RBFOX1: variants seen among roughly 807,000 people sequenced by gnomAD.
RBFOX1 encodes RNA binding protein fox-1 homolog 1.
A neutral mutation model predicts 57.7 loss-of-function variants in RBFOX1; 8 were observed. The ratio of observed to expected loss-of-function variants is 0.14; its 90% confidence interval spans 0.08 to 0.25. The LOEUF is 0.25. RBFOX1 is among the 10% of genes least tolerant of loss of function. RBFOX1 has a pLI of 1.00. For missense variants in RBFOX1, 611 were observed against 548.5 expected (o/e 1.11, Z -1.14); for synonymous variants, 326 against 222.4 (o/e 1.47, Z -4.15).
chr16:7,543,345 T>C (rs544930110), intron 5 of RBFOX1, among the ~76,000 whole-genome samples: 3 of 152,188 alleles, frequency 2.0e-5, no homozygotes, highest in African/African-American at 7.2e-5. Flanking sequence ...TGGGAGATAT[T>C]TGAGATCTGA....
intron 4 of RBFOX1, among the ~76,000 whole-genome samples, chr16:7,321,045 GAGAAA>G (rs2096535309): frequency 1.5e-5 from 2 of 129,646 alleles, no homozygotes; most frequent in Non-Finnish European, 1.7e-5. Context: ...CTGGAGACCA[GAGAAA>G]TTATCTATCT....
At chr16:7,377,966 G>A (rs1045327314) in intron 4 of RBFOX1, among the ~76,000 whole-genome samples, 2 of 126,094 alleles carry the variant, frequency 1.6e-5, no homozygotes, top group Non-Finnish European at 3.5e-5. Flanking sequence ...CAGCCAGGGA[G>A]GTATGGAGAG....
rs1259562228 is a variant in RBFOX1, at chr16:7,029,075, TATATATACACACACACACACACAC to T, written c.-15-22980_-15-22957del. On this transcript the variant is annotated intron_variant, in intron 3 of 15. Coordinates refer to ENST00000550418, the MANE Select transcript of RBFOX1 (RefSeq NM_018723.4). Reference sequence around the variant, plus strand: ...ATATATATATATATATATATATATATATATATACACACACACACACACACACACACACACACACACACACACATA... The same window carrying T: ...ATATATATATATATATATATATATATACACACACACACACACACACACATA... Among the ~76,000 whole-genome samples the T allele has an allele frequency of 8.7e-5, 4 of 46,052 alleles. 1 individual carries two copies. The African/African-American group carries it at 9.4e-4, about 11-fold the overall frequency. 30.2% of individuals were successfully genotyped at this position (46,052 alleles called of 152,430 possible).
At chr16:6,082,370 T>TTTTTG (rs1340965075) in intron 1 of RBFOX1, among the ~76,000 whole-genome samples, 5 of 138,572 alleles carry the variant, frequency 3.6e-5, no homozygotes, top group Non-Finnish European at 7.8e-5. Context: ...TTTTTTTTTT[T>TTTTTG]TTTTTGGATT....
At chr16:5,240,024 C>G (rs769637566) in exon 1 of RBFOX1, 166 of 1,530,690 alleles carry the variant, frequency 1.1e-4, no homozygotes, top group Non-Finnish European at 1.3e-4. Context: ...GCGCACAGCC[C>G]GAGGACTGCG....
At chr16:7,593,749 A>G (rs1013354263) in intron 7 of RBFOX1, among the ~76,000 whole-genome samples, 1 of 151,902 alleles carries the variant, frequency 6.6e-6, no homozygotes, top group African/African-American at 2.4e-5. Flanking sequence ...CTATACTCAC[A>G]TTCCACGGGG....
intron 1 of RBFOX1, among the ~76,000 whole-genome samples, chr16:6,227,100 G>C (rs944578700): frequency 4.6e-5 from 7 of 151,958 alleles, no homozygotes; most frequent in Non-Finnish European, 8.8e-5. Context: ...CTCCAGCGTA[G>C]GTGACAGGGC....
At chr16:6,808,986 G>C (rs1010762411) in intron 3 of RBFOX1, among the ~76,000 whole-genome samples, 6 of 152,146 alleles carry the variant, frequency 3.9e-5, no homozygotes, top group Non-Finnish European at 7.4e-5. Flanking sequence ...CTGTAACCTA[G>C]CTTAATAGAC....
At chr16:6,732,394 G>A (rs1568389680) in intron 3 of RBFOX1, among the ~76,000 whole-genome samples, 1 of 152,174 alleles carries the variant, frequency 6.6e-6, no homozygotes, top group Non-Finnish European at 1.5e-5. Context: ...CTTCCCCAAG[G>A]CAGGTGACCT....
At chr16:6,687,432 G>C (rs986773267) in intron 3 of RBFOX1, among the ~76,000 whole-genome samples, 1 of 152,098 alleles carries the variant, frequency 6.6e-6, no homozygotes, top group Admixed American at 6.6e-5. Flanking sequence ...TTACCCAAAG[G>C]CTACTGAAAT....
chr16:7,697,049 C>T (rs965354833), intron 14 of RBFOX1, among the ~76,000 whole-genome samples: 8 of 152,118 alleles, frequency 5.3e-5, no homozygotes, highest in East Asian at 1.9e-4. Context: ...GGGATTTTAA[C>T]AGTGATGCAG....
chr16:7,512,628 C>T lies in RBFOX1; in HGVS notation c.28-5519C>T, dbSNP rs537860801. Among the ~76,000 whole-genome samples the T allele has an allele frequency of 3.3e-5, 5 of 152,290 alleles. No individual in the cohort carries two copies. The South Asian group carries it at 1.0e-3, about 32-fold the overall frequency. On this transcript the variant is annotated intron_variant, in intron 4 of 15. Transcript: ENST00000550418. ...CTGCAGGCTCCTTGGCTACCATGGA[C>T]TCAGTCCCTAGAGCATGGTGCTCTG...
At chr16:6,508,537 AAG>A (rs1441908790) in intron 2 of RBFOX1, among the ~76,000 whole-genome samples, 1 of 152,114 alleles carries the variant, frequency 6.6e-6, no homozygotes, top group Non-Finnish European at 1.5e-5. Flanking sequence ...TGTGCTTAGA[AAG>A]AGAGAAAAAA....
chr16:7,295,256 G>T (rs1169718158), intron 4 of RBFOX1, among the ~76,000 whole-genome samples: 1 of 152,148 alleles, frequency 6.6e-6, no homozygotes, highest in Non-Finnish European at 1.5e-5. Flanking sequence ...TTTTTGTATA[G>T]TGCCATGTCA....
At chr16:7,419,771 G>T (rs1170059813) in intron 4 of RBFOX1, among the ~76,000 whole-genome samples, 1 of 152,100 alleles carries the variant, frequency 6.6e-6, no homozygotes, top group Non-Finnish European at 1.5e-5. Context: ...CTCCTATCTG[G>T]TTGTAATTAA....
rs192365681 is a variant in RBFOX1 at position 6,641,040 on chromosome 16, C to T, written c.-63-13563C>T. 2.6e-5 allele frequency among the ~76,000 whole-genome samples: 4 copies of T among 152,262 alleles called. No homozygotes were observed. In the East Asian group the frequency reaches 5.8e-4, roughly 22 times the overall value. On this transcript the variant is annotated intron_variant, in intron 2 of 15. Coordinates refer to ENST00000550418, the MANE Select transcript of RBFOX1 (RefSeq NM_018723.4). Reference sequence around the variant, plus strand: ...TCTGACTTGATGGGCGTAAACTCACCGTTCTGCATCCCACTTTCCCGATCT... The same window carrying T: ...TCTGACTTGATGGGCGTAAACTCACTGTTCTGCATCCCACTTTCCCGATCT...
intron 3 of RBFOX1, among the ~76,000 whole-genome samples, chr16:5,813,533 T>A (rs1318589884): frequency 6.6e-6 from 1 of 152,216 alleles, no homozygotes; most frequent in African/African-American, 2.4e-5. Flanking sequence ...GTACATACCA[T>A]GCTCACTGCA....
At chr16:6,023,266 G>A in intron 1 of RBFOX1, among the ~76,000 whole-genome samples, 1 of 70,308 alleles carries the variant, frequency 1.4e-5, no homozygotes, top group South Asian at 4.7e-4. Context: ...TATAATTGAA[G>A]CTATATATAT....
intron 1 of RBFOX1, among the ~76,000 whole-genome samples, chr16:5,404,316 A>G (rs182439541): frequency 9.9e-5 from 15 of 152,230 alleles, no homozygotes; most frequent in African/African-American, 3.4e-4. Flanking sequence ...AGAAGTGCCA[A>G]CCTTCTGGGA....
Sources: allele counts gnomAD v4.1 joint callset (sites outside exome capture counted in the v4.1 genomes callset), GRCh38; gene constraint gnomAD v4.1.1; transcripts MANE v1.5; gene names NCBI Gene and HGNC (gene_info 2026-07-23, HGNC 2026-07-21).